CORIN: variants seen among roughly 807,000 people sequenced by gnomAD.
CORIN encodes the protein corin, serine peptidase, also known as atrial natriuretic peptide-converting enzyme.
CORIN carries 117 observed loss-of-function variants against 125.3 expected under a neutral mutation model. That is an observed-to-expected ratio of 0.93 (90% confidence interval 0.80 to 1.09). The LOEUF is 1.09. CORIN is among the 50% of genes least tolerant of loss of function. The probability of loss-of-function intolerance (pLI) is 0.00; values close to 1 mark genes in which losing one functional copy is unlikely to be tolerated. For synonymous variants in CORIN, 450 were observed against 466.4 expected, an observed-to-expected ratio of 0.96 and a Z score of 0.45; for missense variants, 1,253 against 1,306.7, an observed-to-expected ratio of 0.96 and a Z score of 0.63.
intron 3 of CORIN, among the ~76,000 whole-genome samples, chr4:47,767,424 GAA>G (rs1729809818): frequency 6.6e-6 from 1 of 151,956 alleles, no homozygotes. Flanking sequence ...TGAAAACTGA[GAA>G]AGCTGGTATG....
At chr4:47,732,725 G>A (rs546975947) in intron 5 of CORIN, among the ~76,000 whole-genome samples, 156 of 152,116 alleles carry the variant, frequency 1.0e-3, no homozygotes, top group African/African-American at 3.6e-3. Context: ...CACCACGCCC[G>A]GCTTTTTTAT....
chr4:47,696,260 C>T (rs577414084), intron 5 of CORIN, among the ~76,000 whole-genome samples: 23 of 152,168 alleles, frequency 1.5e-4, no homozygotes, highest in African/African-American at 5.5e-4. Context: ...CTTAGGATGA[C>T]AAAGGGAGAT....
chr4:47,741,569 G>A (rs908217922), intron 5 of CORIN, among the ~76,000 whole-genome samples: 3 of 152,018 alleles, frequency 2.0e-5, no homozygotes, highest in Non-Finnish European at 4.4e-5. Context: ...AATTAAAACA[G>A]TATGTCCACA....
chr4:47,629,060 T>C (rs957426554), intron 16 of CORIN, among the ~76,000 whole-genome samples: 2 of 152,156 alleles, frequency 1.3e-5, no homozygotes, highest in Admixed American at 1.3e-4. Context: ...TACCCAGAAG[T>C]GGGATTGATG....
intron 19 of CORIN, among the ~76,000 whole-genome samples, chr4:47,607,258 A>C (rs1174329133): frequency 1.3e-5 from 2 of 152,078 alleles, no homozygotes; most frequent in Non-Finnish European, 2.9e-5. Flanking sequence ...AATACAAAAA[A>C]TTAGCCCGGC....
chr4:47,628,546 G>C (rs1322927055), intron 16 of CORIN, among the ~76,000 whole-genome samples: 1 of 151,804 alleles, frequency 6.6e-6, no homozygotes, highest in East Asian at 1.9e-4. Context: ...TAGTCACCAT[G>C]TTGTACATTA....
chr4:47,644,465 C>G (rs1427176873), intron 14 of CORIN, among the ~76,000 whole-genome samples: 1 of 152,148 alleles, frequency 6.6e-6, no homozygotes, highest in African/African-American at 2.4e-5. Context: ...CATTATTTGT[C>G]ATTTTGATTT....
intron 6 of CORIN, among the ~76,000 whole-genome samples, chr4:47,689,904 A>G (rs1725693177): frequency 6.6e-6 from 1 of 152,170 alleles, no homozygotes; most frequent in Non-Finnish European, 1.5e-5. Context: ...CCATGATGAT[A>G]CTGAAAGCCA....
Position 47,595,055 on chromosome 4 carries a change from T to A in CORIN, c.*666A>T, listed in dbSNP as rs942416548. 2 of 152,198 alleles carry A rather than the reference T, an allele frequency of 1.3e-5. No homozygotes were observed. Among genetic ancestry groups the A allele is most frequent in the African/African-American group, 4.8e-5 (2 of 41,458 alleles). The allele number at this position is 152,198 out of a possible 1,614,324, so 9.4% of individuals were successfully genotyped here. A position where few individuals can be genotyped will look rare whatever the true frequency, so the allele number is the denominator to read the frequency against. ...GCTGTCTTTTATCAGTTCTCAGAAT[T>A]ATGCAAACATTAGAAGGGGGTAATA... On this transcript the variant is annotated 3_prime_UTR_variant, in exon 22 of 22. Transcript: ENST00000273857.
chr4:47,755,797 C>T (rs1195744681), intron 4 of CORIN, among the ~76,000 whole-genome samples: 1 of 152,180 alleles, frequency 6.6e-6, no homozygotes, highest in Non-Finnish European at 1.5e-5. Context: ...TTAATATACA[C>T]ACAAAATTTG....
chr4:47,688,702 A>C (rs529270335), intron 6 of CORIN, among the ~76,000 whole-genome samples: 46 of 152,264 alleles, frequency 3.0e-4, no homozygotes, highest in Non-Finnish European at 5.7e-4. Context: ...ATGGCTTAAC[A>C]GTATCTTTCT....
At chr4:47,794,331 G>A (rs1731201395) in intron 2 of CORIN, among the ~76,000 whole-genome samples, 1 of 152,038 alleles carries the variant, frequency 6.6e-6, no homozygotes, top group South Asian at 2.1e-4. Context: ...GCATTTTTGA[G>A]GAGAAAGGTC....
At chr4:47,788,717 A>G (rs555158401) in intron 2 of CORIN, among the ~76,000 whole-genome samples, 1 of 152,308 alleles carries the variant, frequency 6.6e-6, no homozygotes, top group South Asian at 2.1e-4. Flanking sequence ...GATTTTTTCC[A>G]TAAGGTGATA....
chr4:47,746,459 A>C (rs1560530426), intron 4 of CORIN, among the ~76,000 whole-genome samples: 1 of 152,078 alleles, frequency 6.6e-6, no homozygotes, highest in Non-Finnish European at 1.5e-5. Context: ...GGGCAGATTG[A>C]CCCAGGACCT....
intron 16 of CORIN, among the ~76,000 whole-genome samples, chr4:47,631,499 C>G (rs909877860): frequency 1.1e-4 from 17 of 151,954 alleles, no homozygotes; most frequent in African/African-American, 3.6e-4. Context: ...TGTCTCCCAT[C>G]ACCCTCAGAT....
intron 3 of CORIN, among the ~76,000 whole-genome samples, chr4:47,763,894 A>C (rs985730809): frequency 6.6e-6 from 1 of 151,980 alleles, no homozygotes; most frequent in African/African-American, 2.4e-5. Flanking sequence ...GGGCAGGGCA[A>C]TATGTATCCA....
At chr4:47,710,319 T>C (rs1726778902) in intron 5 of CORIN, among the ~76,000 whole-genome samples, 1 of 152,246 alleles carries the variant, frequency 6.6e-6, no homozygotes, top group Admixed American at 6.5e-5. Flanking sequence ...TCTAAGCTTG[T>C]GGATATTCAT....
chr4:47,680,180 C>A lies in CORIN; in HGVS notation c.1093G>T (p.Asp365Tyr). ...TCAGACTTATCCACACAGTCGTGGT[C>A]ACCATCACACACCCACTCCATGGCG... is the stretch of plus-strand genomic sequence containing the variant. ...CIAMEWVCDG[D>Y]HDCVDKSDEV... The change falls in exon 8 of 22, where the codon GAC becomes TAC. Residue 365 changes from aspartate to tyrosine, a missense_variant. By Grantham distance (160) the Asp-to-Tyr change is radical. Coordinates refer to ENST00000273857, the MANE Select transcript of CORIN (RefSeq NM_006587.4). The A allele has an allele frequency of 6.2e-7, 1 of 1,613,938 alleles. No homozygotes were observed. Among genetic ancestry groups the A allele is most frequent in the South Asian group, 1.1e-5 (1 of 91,046 alleles).
At chr4:47,625,948 A>G (rs1463138869) in intron 17 of CORIN, among the ~76,000 whole-genome samples, 1 of 152,176 alleles carries the variant, frequency 6.6e-6, no homozygotes, top group Non-Finnish European at 1.5e-5. Context: ...TTAAGATGCA[A>G]TGATTTTTTA....
Sources: allele counts gnomAD v4.1 joint callset (sites outside exome capture counted in the v4.1 genomes callset), GRCh38; gene constraint gnomAD v4.1.1; transcripts MANE v1.5; gene names NCBI Gene and HGNC (gene_info 2026-07-23, HGNC 2026-07-21).